ZCCHC24: variants seen among roughly 807,000 people sequenced by gnomAD.
The protein encoded by ZCCHC24 is zinc finger CCHC domain-containing protein 24.
A neutral mutation model predicts 26.2 loss-of-function variants in ZCCHC24; 10 were observed. The observed-to-expected ratio is 0.38, with a 90% CI of 0.24 to 0.65. ZCCHC24 has a LOEUF of 0.65. Ranked by LOEUF, ZCCHC24 falls within the 30% of genes least tolerant of loss-of-function variation. The pLI, the probability that ZCCHC24 is intolerant of heterozygous loss-of-function variation, is 0.54. For missense variants in ZCCHC24, 243 were observed against 329.1 expected, an observed-to-expected ratio of 0.74 and a Z score of 2.03; for synonymous variants, 144 against 147.1, an observed-to-expected ratio of 0.98 and a Z score of 0.15.
intron 1 of ZCCHC24, among the ~76,000 whole-genome samples, chr10:79,438,770 A>G (rs1162947116): frequency 6.6e-6 from 1 of 152,232 alleles, no homozygotes. Context: ...GGGAGCAGAC[A>G]GTGCCAGCAG....
chr10:79,413,946 C>T (rs72820307), intron 2 of ZCCHC24, among the ~76,000 whole-genome samples: 10,193 of 152,298 alleles, frequency 0.067, 372 homozygotes, highest in East Asian at 0.093. Flanking sequence ...CCCTCCTTGC[C>T]GCATGGCCAC....
intron 2 of ZCCHC24, among the ~76,000 whole-genome samples, chr10:79,412,241 G>A (rs921580074): frequency 6.6e-6 from 1 of 152,266 alleles, no homozygotes. Context: ...AAGGAAGTGA[G>A]TGGCCAAGGC....
intron 2 of ZCCHC24, among the ~76,000 whole-genome samples, chr10:79,425,223 C>T (rs576286686): frequency 7.2e-5 from 11 of 152,226 alleles, no homozygotes; most frequent in South Asian, 2.1e-4. Context: ...GAGGCCAAAA[C>T]GAGATACCAG....
chr10:79,394,746 C>T (rs1160276264), intron 2 of ZCCHC24: 2 of 672,486 alleles, frequency 3.0e-6, no homozygotes, highest in Non-Finnish European at 3.7e-6. Flanking sequence ...TTAACTCACA[C>T]GTCATCAAGG....
intron 2 of ZCCHC24, among the ~76,000 whole-genome samples, chr10:79,399,791 C>T (rs964506666): frequency 5.3e-5 from 8 of 152,234 alleles, no homozygotes; most frequent in Non-Finnish European, 1.0e-4. Flanking sequence ...GGCAAGCCAG[C>T]GGCTTCGGAA....
chr10:79,417,102 C>T (rs1042662561), intron 2 of ZCCHC24, among the ~76,000 whole-genome samples: 1 of 152,214 alleles, frequency 6.6e-6, no homozygotes, highest in Non-Finnish European at 1.5e-5. Context: ...CCCGGGATCA[C>T]AATCAAAAGA....
rs548069738 is a variant in ZCCHC24, at chr10:79,423,466, G to A, written c.447+9092C>T. Among the ~76,000 whole-genome samples the A allele has an allele frequency of 2.4e-3, 356 of 150,772 alleles. 2 individuals carry two copies. The highest frequency in any genetic ancestry group is 8.4e-3 in the African/African-American group (342 of 40,922). On this transcript the variant is annotated intron_variant, in intron 2 of 3. Coordinates refer to ENST00000372336, the MANE Select transcript of ZCCHC24 (RefSeq NM_153367.4). ...CTCGGGAGGCTGAGGGAGGAGAATA[G>A]CTTGAACCTGGGAGGTAGAGCTTGC...
At chr10:79,438,049 C>T (rs1026846917) in intron 1 of ZCCHC24, among the ~76,000 whole-genome samples, 12 of 152,094 alleles carry the variant, frequency 7.9e-5, no homozygotes, top group African/African-American at 2.9e-4. Context: ...GAAAAGGCAG[C>T]GTCTGGGCCA....
intron 2 of ZCCHC24, among the ~76,000 whole-genome samples, chr10:79,424,162 C>A (rs1856995626): frequency 6.6e-6 from 1 of 152,226 alleles, no homozygotes; most frequent in South Asian, 2.1e-4. Context: ...CTTCTGTGTT[C>A]TTCATCTGAT....
At chr10:79,443,944 G>C (rs999898666) in intron 1 of ZCCHC24, among the ~76,000 whole-genome samples, 1 of 152,192 alleles carries the variant, frequency 6.6e-6, no homozygotes, top group Non-Finnish European at 1.5e-5. Flanking sequence ...TGTTGGCCTT[G>C]GGCCAGCATT....
rs145322076 is a variant in ZCCHC24, at chr10:79,390,708, C to A, written c.612+3568G>T. ...TGGGGCTGACTGTGGTGGAGGGCCT[C>A]CCCCACTCCCTGCAGCAAGGCAAGG... is the stretch of plus-strand genomic sequence containing the variant. On this transcript the variant is annotated intron_variant, in intron 3 of 3. Coordinates refer to ENST00000372336, the MANE Select transcript of ZCCHC24 (RefSeq NM_153367.4). Among the ~76,000 whole-genome samples the A allele has an allele frequency of 1.4e-3, 220 of 152,302 alleles. No homozygotes were observed. The Middle Eastern group carries it at 0.017, about 12-fold the overall frequency.
intron 2 of ZCCHC24, among the ~76,000 whole-genome samples, chr10:79,421,689 C>A (rs1157976271): frequency 6.6e-6 from 1 of 151,994 alleles, no homozygotes; most frequent in Non-Finnish European, 1.5e-5. Flanking sequence ...TGCAGTGGTG[C>A]GATCTCGGCT....
intron 2 of ZCCHC24, among the ~76,000 whole-genome samples, chr10:79,404,966 C>G (rs1856690354): frequency 1.3e-5 from 2 of 152,256 alleles, no homozygotes; most frequent in Admixed American, 6.5e-5. Flanking sequence ...CAAGAGCAAG[C>G]TCCAGGGGCA....
Position 79,384,725 on chromosome 10 carries a change from C to T in ZCCHC24, c.*1620G>A, listed in dbSNP as rs1424376515. 2 of 152,708 alleles carry T rather than the reference C, an allele frequency of 1.3e-5. No individual in the cohort carries two copies. Among genetic ancestry groups the T allele is most frequent in the Non-Finnish European group, 2.9e-5 (2 of 68,036 alleles). The allele number at this position is 152,708 out of a possible 1,614,324, so 9.5% of individuals were successfully genotyped here. Reference sequence around the variant, plus strand: ...ACTGTAACTCCTCAGTTGTACAAAGCATTTTCATTTGAATACAAAAGGCAA... The same window carrying T: ...ACTGTAACTCCTCAGTTGTACAAAGTATTTTCATTTGAATACAAAAGGCAA... On this transcript the variant is annotated 3_prime_UTR_variant, in exon 4 of 4. Coordinates refer to ENST00000372336, the MANE Select transcript of ZCCHC24 (RefSeq NM_153367.4).
intron 2 of ZCCHC24, among the ~76,000 whole-genome samples, chr10:79,428,490 A>T (rs1305848091): frequency 8.0e-6 from 1 of 125,194 alleles, no homozygotes. Flanking sequence ...TTTGCAAGAT[A>T]AAAAGAGCTC....
At chr10:79,436,814 A>G (rs1857223161) in intron 1 of ZCCHC24, among the ~76,000 whole-genome samples, 2 of 152,206 alleles carry the variant, frequency 1.3e-5, no homozygotes, top group Admixed American at 1.3e-4. Context: ...GGGCAAAGCC[A>G]CTTATGGGGT....
chr10:79,394,444 CA>C lies in ZCCHC24; in HGVS notation c.448-5del. Reference sequence around the variant, plus strand: ...GGCCCTCGCCTTTGGGGCGTGCCTACAGGGCAGGAAGCAAACACAGGGGATT... The same window carrying C: ...GGCCCTCGCCTTTGGGGCGTGCCTACGGGCAGGAAGCAAACACAGGGGATT... On this transcript the variant is annotated splice_polypyrimidine_tract_variant and splice_region_variant and intron_variant, in intron 2 of 3. Transcript: ENST00000372336. 1 of 1,613,110 alleles carries C rather than the reference CA, an allele frequency of 6.2e-7. No homozygotes were observed. Among genetic ancestry groups the C allele is most frequent in the Non-Finnish European group, 8.5e-7 (1 of 1,179,310 alleles).
intron 3 of ZCCHC24, among the ~76,000 whole-genome samples, chr10:79,386,810 A>G (rs1195094424): frequency 6.6e-6 from 1 of 152,154 alleles, no homozygotes; most frequent in Admixed American, 6.5e-5. Context: ...CACCCTGGCC[A>G]TGTGCACTGC....
At chr10:79,418,997 C>T (rs536370857) in intron 2 of ZCCHC24, among the ~76,000 whole-genome samples, 1 of 152,266 alleles carries the variant, frequency 6.6e-6, no homozygotes, top group East Asian at 1.9e-4. Context: ...GGCCTTGAGG[C>T]TGAGAAGCCC....
Sources: allele counts gnomAD v4.1 joint callset (sites outside exome capture counted in the v4.1 genomes callset), GRCh38; gene constraint gnomAD v4.1.1; transcripts MANE v1.5; gene names NCBI Gene and HGNC (gene_info 2026-07-23, HGNC 2026-07-21).